KCNH5: variants seen among roughly 807,000 people sequenced by gnomAD.
KCNH5 encodes the protein voltage-gated delayed rectifier potassium channel KCNH5.
KCNH5 carries 46 observed loss-of-function variants against 96.1 expected under a neutral mutation model. The ratio of observed to expected loss-of-function variants is 0.48; its 90% CI spans 0.38 to 0.61. The LOEUF (loss-of-function observed/expected upper bound fraction) is 0.61. Among genes scored for constraint, KCNH5 ranks in the 20% least tolerant of loss-of-function variants. KCNH5 has a pLI of 0.00. For missense variants in KCNH5, 907 were observed against 1,225.8 expected (o/e 0.74, Z 3.88); for synonymous variants, 439 against 449.8 (o/e 0.98, Z 0.30).
intron 10 of KCNH5, among the ~76,000 whole-genome samples, chr14:62,720,114 A>G (rs1037183937): frequency 6.6e-6 from 1 of 152,212 alleles, no homozygotes; most frequent in African/African-American, 2.4e-5. Flanking sequence ...ATATTCATGA[A>G]TGAAGAAGTG....
intron 10 of KCNH5, among the ~76,000 whole-genome samples, chr14:62,778,645 G>C (rs188422791): frequency 1.6e-4 from 24 of 152,290 alleles, no homozygotes; most frequent in African/African-American, 5.5e-4. Flanking sequence ...TCTAACTATA[G>C]GTCTATTGAG....
At chr14:62,962,746 T>A (rs553456804) in intron 6 of KCNH5, among the ~76,000 whole-genome samples, 24 of 152,172 alleles carry the variant, frequency 1.6e-4, no homozygotes, top group Non-Finnish European at 2.9e-4. Context: ...GATCCACAGA[T>A]GAAACAAAGC....
chr14:62,932,206 T>C (rs1240064770), intron 7 of KCNH5, among the ~76,000 whole-genome samples: 1 of 151,858 alleles, frequency 6.6e-6, no homozygotes, highest in Non-Finnish European at 1.5e-5. Context: ...AAACAAAACA[T>C]CATCTTGATA....
chr14:62,893,095 CA>C (rs1376817407), intron 7 of KCNH5, among the ~76,000 whole-genome samples: 1 of 152,060 alleles, frequency 6.6e-6, no homozygotes, highest in Admixed American at 6.6e-5. Flanking sequence ...TAGATCTGGG[CA>C]AAGAAAATTG....
intron 2 of KCNH5, among the ~76,000 whole-genome samples, chr14:63,012,008 T>C (rs1285977841): frequency 3.9e-5 from 6 of 152,178 alleles, no homozygotes; most frequent in East Asian, 1.9e-4. Flanking sequence ...TACCTGATTG[T>C]TCTTCTCACC....
chr14:62,801,312 C>A (rs974354047), intron 9 of KCNH5, among the ~76,000 whole-genome samples: 1 of 149,286 alleles, frequency 6.7e-6, no homozygotes, highest in African/African-American at 2.5e-5. Flanking sequence ...TCATGAGACA[C>A]AAGCCATGAA....
chr14:62,993,326 A>G (rs76014219), intron 4 of KCNH5, among the ~76,000 whole-genome samples: 7,400 of 152,014 alleles, frequency 0.049, 259 homozygotes, highest in Non-Finnish European at 0.076. Flanking sequence ...TGAATTTTAG[A>G]ATTATTTTTC....
At chr14:62,817,273 T>TATATAC (rs1887007007) in intron 8 of KCNH5, among the ~76,000 whole-genome samples, 2 of 132,934 alleles carry the variant, frequency 1.5e-5, no homozygotes, top group Non-Finnish European at 1.6e-5. Context: ...TATATATATA[T>TATATAC]ACACACACAC....
At chr14:62,894,046 A>AT (rs924863295) in intron 7 of KCNH5, among the ~76,000 whole-genome samples, 36 of 152,278 alleles carry the variant, frequency 2.4e-4, no homozygotes, top group Admixed American at 4.6e-4. Flanking sequence ...GATTTTTTGC[A>AT]TTTTTTAGCA....
rs564330916 is a variant in KCNH5, at chr14:62,721,804, C to T, written c.2020-13349G>A. Among the ~76,000 whole-genome samples, 11 of 152,306 alleles carry T rather than the reference C, an allele frequency of 7.2e-5. No homozygotes were observed. In the South Asian group the frequency reaches 2.3e-3, roughly 32 times the overall value. ...TACTAATATTGTTTTCCACCCTTTT[C>T]CAATAGAGCTATAGCACTGGAAGGC... On this transcript the variant is annotated intron_variant, in intron 10 of 10. Coordinates refer to ENST00000322893, the MANE Select transcript of KCNH5 (RefSeq NM_139318.5).
intron 1 of KCNH5, among the ~76,000 whole-genome samples, chr14:63,044,908 G>A (rs1172283545): frequency 6.6e-6 from 1 of 152,090 alleles, no homozygotes; most frequent in Non-Finnish European, 1.5e-5. Context: ...GAGTCTGTCT[G>A]GTAGGAAGGG....
At chr14:62,899,883 GACCTTGTGTC>G (rs1888891773) in intron 7 of KCNH5, among the ~76,000 whole-genome samples, 1 of 151,952 alleles carries the variant, frequency 6.6e-6, no homozygotes, top group African/African-American at 2.4e-5. Flanking sequence ...CTTGGAACAG[GACCTTGTGTC>G]TAAATGTCTA....
intron 7 of KCNH5, among the ~76,000 whole-genome samples, chr14:62,935,955 A>T (rs1182056688): frequency 6.6e-6 from 1 of 152,210 alleles, no homozygotes; most frequent in Non-Finnish European, 1.5e-5. Context: ...TGTTCCCAAT[A>T]TCACAGTTTT....
chr14:62,843,704 C>A (rs1232624476), intron 8 of KCNH5, among the ~76,000 whole-genome samples: 1 of 152,120 alleles, frequency 6.6e-6, no homozygotes, highest in African/African-American at 2.4e-5. Flanking sequence ...GCCACTGAGC[C>A]CGGCCCCTAC....
intron 5 of KCNH5, among the ~76,000 whole-genome samples, chr14:62,981,468 T>C (rs1305733867): frequency 6.6e-6 from 1 of 152,204 alleles, no homozygotes; most frequent in Non-Finnish European, 1.5e-5. Context: ...TGCTGTTCTA[T>C]CTGGCATGCT....
At chr14:62,776,741 A>C (rs1329168075) in intron 10 of KCNH5, among the ~76,000 whole-genome samples, 1 of 152,242 alleles carries the variant, frequency 6.6e-6, no homozygotes, top group East Asian at 1.9e-4. Context: ...TTATAGCTCT[A>C]GAATTTTTAC....
chr14:63,015,678 T>C (rs2139606464), intron 2 of KCNH5, among the ~76,000 whole-genome samples: 1 of 152,060 alleles, frequency 6.6e-6, no homozygotes, highest in Middle Eastern at 3.4e-3. Context: ...GATCCCTGCG[T>C]ATATCAAAAT....
At chr14:62,725,273 C>T (rs1384183614) in intron 10 of KCNH5, among the ~76,000 whole-genome samples, 1 of 152,156 alleles carries the variant, frequency 6.6e-6, no homozygotes, top group Non-Finnish European at 1.5e-5. Context: ...TGTCTTTATA[C>T]AGTCAAAATA....
chr14:63,003,535 TA>T (rs1488379283), intron 3 of KCNH5, among the ~76,000 whole-genome samples: 4 of 112,694 alleles, frequency 3.5e-5, no homozygotes, highest in African/African-American at 1.1e-4. Context: ...TTATATATAT[TA>T]TATATTATAT....
Sources: allele counts gnomAD v4.1 joint callset (sites outside exome capture counted in the v4.1 genomes callset), GRCh38; gene constraint gnomAD v4.1.1; transcripts MANE v1.5; gene names NCBI Gene and HGNC (gene_info 2026-07-23, HGNC 2026-07-21).